The following ESRRG variants were observed in gnomAD, a reference collection of about 807,000 sequenced individuals.
The protein encoded by ESRRG is estrogen related receptor gamma, also known as estrogen-related receptor gamma.
A neutral mutation model predicts 44.0 loss-of-function variants in ESRRG; 13 were observed. That is an observed-to-expected ratio of 0.30 (90% CI 0.19 to 0.47). The LOEUF (loss-of-function observed/expected upper bound fraction) is 0.47, where lower values mean the gene tolerates loss of function less well. Ranked by LOEUF, ESRRG falls within the 20% of genes least tolerant of loss-of-function variation. ESRRG has a pLI of 1.00. For synonymous variants in ESRRG, 215 were observed against 214.6 expected, an observed-to-expected ratio of 1.00 and a Z score of -0.02; for missense variants, 395 against 580.6, an observed-to-expected ratio of 0.68 and a Z score of 3.29.
At chr1:216,563,191 C>T (rs1035263183) in intron 5 of ESRRG, among the ~76,000 whole-genome samples, 3 of 152,136 alleles carry the variant, frequency 2.0e-5, no homozygotes, top group African/African-American at 7.2e-5. Flanking sequence ...TTACAATTTG[C>T]TTGGCCTCAT....
At chr1:216,526,173 A>C (rs1482878565) in intron 5 of ESRRG, among the ~76,000 whole-genome samples, 1 of 152,112 alleles carries the variant, frequency 6.6e-6, no homozygotes, top group Non-Finnish European at 1.5e-5. Flanking sequence ...ATCTGACTAC[A>C]ACCAATGGTA....
At chr1:216,669,426 A>G (rs544346441) in intron 2 of ESRRG, among the ~76,000 whole-genome samples, 42 of 152,346 alleles carry the variant, frequency 2.8e-4, no homozygotes, top group South Asian at 1.9e-3. Flanking sequence ...AAAGATTGCA[A>G]TATTTTACTA....
chr1:216,776,029 G>A (rs950537806), intron 2 of ESRRG, among the ~76,000 whole-genome samples: 1 of 152,058 alleles, frequency 6.6e-6, no homozygotes, highest in African/African-American at 2.4e-5. Flanking sequence ...AACAAAACCA[G>A]AGTGATCACT....
At chr1:216,691,185 T>C (rs929073226) in intron 1 of ESRRG, among the ~76,000 whole-genome samples, 3 of 152,084 alleles carry the variant, frequency 2.0e-5, no homozygotes, top group Non-Finnish European at 2.9e-5. Context: ...GTAGATGCTA[T>C]AGAATATAGA....
At chr1:216,943,628 A>T (rs1043130339) in intron 1 of ESRRG, among the ~76,000 whole-genome samples, 5 of 152,176 alleles carry the variant, frequency 3.3e-5, no homozygotes, top group Non-Finnish European at 7.3e-5. Context: ...TACTACACAC[A>T]CATACAAAAG....
chr1:216,546,864 G>C (rs182902943), intron 5 of ESRRG, among the ~76,000 whole-genome samples: 2 of 151,652 alleles, frequency 1.3e-5, no homozygotes, highest in Non-Finnish European at 2.9e-5. Flanking sequence ...GTGCAGATTT[G>C]TTATATAGGT....
In ESRRG at chr1:216,722,506, T is replaced by C. The variant is rs142335494; in HGVS notation, c.56+738A>G. ...GCTTGTAAGAACGAAAGTACTTTTC[T>C]ATATTTTCTGGACACAACAAACGAG... On this transcript the variant is annotated intron_variant, in intron 1 of 6. Transcript: ENST00000408911. Among the ~76,000 whole-genome samples, 444 of 151,906 alleles carry C rather than the reference T, an allele frequency of 2.9e-3. 2 individuals are homozygous for C. The highest frequency in any genetic ancestry group is 0.01 in the African/African-American group (427 of 41,426).
intron 3 of ESRRG, among the ~76,000 whole-genome samples, chr1:216,603,026 A>C (rs2059450047): frequency 6.6e-6 from 1 of 152,166 alleles, no homozygotes; most frequent in Non-Finnish European, 1.5e-5. Flanking sequence ...AATAATAGAG[A>C]TCTTAAAGCA....
intron 1 of ESRRG, among the ~76,000 whole-genome samples, chr1:217,009,860 C>T (rs1005920791): frequency 2.6e-5 from 4 of 151,790 alleles, no homozygotes; most frequent in Non-Finnish European, 4.4e-5. Flanking sequence ...TGCCTGCCAC[C>T]GTATCTGGCT....
chr1:216,902,087 T>C (rs981476061), intron 2 of ESRRG, among the ~76,000 whole-genome samples: 1 of 151,164 alleles, frequency 6.6e-6, no homozygotes, highest in Admixed American at 6.5e-5. Flanking sequence ...CTACATGATC[T>C]TCTCAAGACA....
intron 2 of ESRRG, chr1:216,855,126 C>T (rs2095908218): frequency 6.6e-6 from 1 of 152,154 alleles, no homozygotes; most frequent in Admixed American, 6.5e-5. Flanking sequence ...TATTTTCACC[C>T]TGAAGAGGAA....
Position 216,723,393 on chromosome 1 carries a change from A to G in ESRRG, c.-94T>C, listed in dbSNP as rs2086793691. On this transcript the variant is annotated 5_prime_UTR_variant, in exon 1 of 7. Transcript: ENST00000408911. ...AATTAACACAAATGTTCTCCTAGTG[A>G]CAAGCCTATAGGCACAGCCAGTTGG... 2 of 1,210,614 alleles carry G rather than the reference A, an allele frequency of 1.7e-6. No homozygotes were observed. Among genetic ancestry groups the G allele is most frequent in the Non-Finnish European group, 2.4e-6 (2 of 818,930 alleles). The allele number at this position is 1,210,614 out of a possible 1,614,324, so 75.0% of individuals were successfully genotyped here. A position where few individuals can be genotyped will look rare whatever the true frequency, so the allele number is the denominator to read the frequency against.
At chr1:216,992,866 T>A (rs1000257258) in intron 1 of ESRRG, among the ~76,000 whole-genome samples, 1 of 152,210 alleles carries the variant, frequency 6.6e-6, no homozygotes, top group African/African-American at 2.4e-5. Context: ...CCTCATTATG[T>A]CCTTCCGTCT....
upstream of ESRRG, among the ~76,000 whole-genome samples, chr1:216,728,292 C>T (rs961593213): frequency 7.9e-5 from 12 of 152,088 alleles, 1 homozygote; most frequent in Admixed American, 1.3e-4. Flanking sequence ...CCATTTTAGA[C>T]CTTTTGAGGC....
intron 2 of ESRRG, among the ~76,000 whole-genome samples, chr1:216,892,387 T>C (rs1553685548): frequency 6.6e-6 from 1 of 152,160 alleles, no homozygotes; most frequent in Non-Finnish European, 1.5e-5. Context: ...CCTGGAGCCC[T>C]AGATTTCTAG....
chr1:216,802,674 A>C (rs559422578), intron 2 of ESRRG, among the ~76,000 whole-genome samples: 1 of 152,272 alleles, frequency 6.6e-6, no homozygotes, highest in South Asian at 2.1e-4. Flanking sequence ...TGATTGTATT[A>C]GACAGAAAAT....
intron 2 of ESRRG, among the ~76,000 whole-genome samples, chr1:216,886,509 A>C (rs962046893): frequency 6.6e-6 from 1 of 152,210 alleles, no homozygotes; most frequent in African/African-American, 2.4e-5. Flanking sequence ...TGAAAAAAGT[A>C]TAGTAAAGAA....
chr1:216,939,364 A>AAAAAAAC lies in ESRRG; in HGVS notation c.-14+211_-14+217dup, dbSNP rs1553720880. Reference sequence around the variant, plus strand: ...TAGACAAAAAAAAAAAAAAAAAAAAAAAAAAACACTTTAAAGGCATTTAAA... The same window carrying AAAAAAAC: ...TAGACAAAAAAAAAAAAAAAAAAAAAAAAAAACAAAAAACACTTTAAAGGCATTTAAA... On this transcript the variant is annotated intron_variant, in intron 2 of 7. Transcript: ENST00000359162. Among the ~76,000 whole-genome samples, 352 of 133,740 alleles carry AAAAAAAC rather than the reference A, an allele frequency of 2.6e-3. 10 individuals are homozygous for AAAAAAAC. The highest frequency in any genetic ancestry group is 8.7e-3 in the African/African-American group (279 of 32,050). The allele number at this position is 133,740 out of a possible 152,430, so 87.7% of individuals were successfully genotyped here.
In ESRRG at chr1:216,611,208, C is replaced by T. The variant is rs1353806722; in HGVS notation, c.589+39765G>A. Among the ~76,000 whole-genome samples the T allele has an allele frequency of 7.5e-5, 7 of 92,842 alleles. No homozygotes were observed. The East Asian group carries it at 1.6e-3, about 22-fold the overall frequency. The allele number at this position is 92,842 out of a possible 152,430, so 60.9% of individuals were successfully genotyped here. A position where few individuals can be genotyped will look rare whatever the true frequency, so the allele number is the denominator to read the frequency against. On this transcript the variant is annotated intron_variant, in intron 3 of 6. Transcript: ENST00000408911. The stretch of plus-strand genomic sequence containing the variant: ...ATAAGAGCCAAAAGTGAAACTCCGT[C>T]CTCAAAAAAAAAAAAAAAAAAAAAA...
Sources: allele counts gnomAD v4.1 joint callset (sites outside exome capture counted in the v4.1 genomes callset), GRCh38; gene constraint gnomAD v4.1.1; transcripts MANE v1.5; gene names NCBI Gene and HGNC (gene_info 2026-07-23, HGNC 2026-07-21).